The following CCDC43 variants were observed in gnomAD, a reference collection of about 807,000 sequenced individuals.
The protein encoded by CCDC43 is coiled-coil domain containing 43.
In CCDC43, 20 loss-of-function variants were observed where a neutral mutation model predicts 33.3. The observed-to-expected ratio is 0.60, with a 90% CI of 0.42 to 0.87. CCDC43 has a LOEUF of 0.87. Among genes scored for constraint, CCDC43 ranks in the 40% least tolerant of loss-of-function variants. The probability of loss-of-function intolerance (pLI) is 0.00; values close to 1 mark genes in which losing one functional copy is unlikely to be tolerated. For synonymous variants in CCDC43, 104 were observed against 106.5 expected (o/e 0.98, Z 0.14); for missense variants, 248 against 269.9 (o/e 0.92, Z 0.57).
intron 4 of CCDC43, 151 bp downstream of exon 4, chr17:44,680,434 A>G: frequency 5.1e-6 from 3 of 592,882 alleles, no homozygotes; most frequent in African/African-American, 3.6e-5. Flanking sequence ...TAAACTGACT[A>G]TCTAGGGCTG....
At chr17:44,685,977 G>A (rs778434596) in intron 1 of CCDC43, among the ~76,000 whole-genome samples, 56 of 151,976 alleles carry the variant, frequency 3.7e-4, no homozygotes, top group Admixed American at 9.2e-4. Context: ...GCAGTGGCGC[G>A]ATCTCGGCTC....
At position 44,678,741 on chromosome 17, in the gene CCDC43, C is replaced by T. The variant is rs1972112248; in HGVS notation, c.*115G>A. 4.7e-6 allele frequency: 5 copies of T among 1,073,294 alleles called. No individual in the cohort carries two copies. The highest frequency in any genetic ancestry group is 1.3e-6 in the Non-Finnish European group (1 of 757,458). 66.5% of individuals were successfully genotyped at this position (1,073,294 alleles called of 1,614,324 possible). The stretch of plus-strand genomic sequence containing the variant: ...TTGATTTTCCTTTTGACCATGTAAA[C>T]AATAGGGGAAATGCCTTGGGAAACT... On this transcript the variant is annotated 3_prime_UTR_variant, in exon 5 of 5. Coordinates refer to ENST00000315286, the MANE Select transcript of CCDC43 (RefSeq NM_144609.3).
chr17:44,689,263 A>G (rs189993399), intron 1 of CCDC43: 199 of 464,054 alleles, frequency 4.3e-4, no homozygotes, highest in African/African-American at 1.6e-4. Context: ...TGACATTTCA[A>G]TGCCTTCGGA....
chr17:44,682,177 G>A, intron 2 of CCDC43, 39 bp from the exon 3 acceptor site: 1 of 1,612,818 alleles, frequency 6.2e-7, no homozygotes, highest in South Asian at 1.1e-5. Context: ...TTGTATGAGA[G>A]AGAACAAGCT....
rs1453662842 is a variant in CCDC43 at position 44,677,966 on chromosome 17, C to T, written c.*890G>A. 6.6e-6 allele frequency: 1 copy of T among 152,616 alleles called. No individual in the cohort carries two copies. The highest frequency in any genetic ancestry group is 1.5e-5 in the Non-Finnish European group (1 of 68,046). The allele number at this position is 152,616 out of a possible 1,614,324, so 9.5% of individuals were successfully genotyped here. On this transcript the variant is annotated 3_prime_UTR_variant, in exon 5 of 5. Transcript: ENST00000315286. The stretch of plus-strand genomic sequence containing the variant: ...TTGACTCTCCCAGTTTTTCCATTCA[C>T]TCATTCATTCAATAAATTTGTTGAG...
At chr17:44,679,942 T>C (rs568091049) in intron 4 of CCDC43, among the ~76,000 whole-genome samples, 34 of 152,118 alleles carry the variant, frequency 2.2e-4, no homozygotes, top group Admixed American at 9.2e-4. Context: ...TCTGACAAAT[T>C]ATAAGGTTTT....
At chr17:44,679,920 G>A (rs1422056591) in intron 4 of CCDC43, among the ~76,000 whole-genome samples, 1 of 152,002 alleles carries the variant, frequency 6.6e-6, no homozygotes, top group Admixed American at 6.6e-5. Flanking sequence ...AAAGTGTTTG[G>A]TGTTTGTATT....
chr17:44,680,475 G>T, intron 4 of CCDC43, 110 bp downstream of exon 4: 2 of 748,082 alleles, frequency 2.7e-6, no homozygotes, highest in Non-Finnish European at 4.9e-6. Context: ...ATGTTAGCAT[G>T]ACATGAGTTC....
chr17:44,684,028 C>T (rs890508198), intron 1 of CCDC43, 69 bp from the exon 2 acceptor site: 3 of 998,812 alleles, frequency 3.0e-6, no homozygotes, highest in Non-Finnish European at 4.8e-6. Context: ...CTCAAAAAAG[C>T]CTATGAAGAA....
chr17:44,682,134 T>G lies in CCDC43; in HGVS notation c.297A>C (p.Glu99Asp), dbSNP rs1454779420. 6.2e-7 allele frequency: 1 copy of G among 1,613,954 alleles called. No homozygotes were observed. Among genetic ancestry groups the G allele is most frequent in the African/African-American group, 1.3e-5 (1 of 75,050 alleles). Reference protein sequence around the residue: ...NVVTKVKKEDEVQAIATLIEK... With the variant: ...NVVTKVKKEDDVQAIATLIEK... ...CAATTAGGGTGGCAATGGCCTGTAC[T>G]TCATCTGGGAGGTGGTGGAAGGAAG... The change falls in exon 3 of 5, where the codon GAA (glutamate) becomes GAC (aspartate). Residue 99 changes from glutamate to aspartate, a missense_variant. Glu to Asp is a conservative substitution (Grantham distance 45). Transcript: ENST00000315286.
Position 44,689,684 on chromosome 17 carries a change from A to G in CCDC43, c.70T>C (p.Ser24Pro). ...EGDGGGGGFG[S>P]WLDGRLEALG... ...GCCTCCAACCGTCCGTCCAGCCAGG[A>G]GCCAAAGCCGCCGCCTCCGCCATCG... The change falls in exon 1 of 5, where the codon TCC becomes CCC. Residue 24 changes from serine (S) to proline (P), a missense_variant. Physicochemically the swap from Ser to Pro is moderately conservative, Grantham distance 74. Transcript: ENST00000315286. 1.2e-6 allele frequency: 2 copies of G among 1,610,380 alleles called. No homozygotes were observed. Among genetic ancestry groups the G allele is most frequent in the Non-Finnish European group, 1.7e-6 (2 of 1,178,600 alleles).
At chr17:44,689,187 C>T (rs183362436) in intron 1 of CCDC43, 2 of 276,412 alleles carry the variant, frequency 7.2e-6, no homozygotes, top group East Asian at 9.4e-5. Flanking sequence ...TTAATACCCC[C>T]AGTGAACACT....
In CCDC43 at chr17:44,689,645, G is replaced by T. The variant is rs944985712; in HGVS notation, c.109C>A (p.Arg37=). The change falls in exon 1 of 5, where the codon CGA becomes AGA. Residue 37 remains arginine (R), a synonymous_variant. Coordinates refer to ENST00000315286, the MANE Select transcript of CCDC43 (RefSeq NM_144609.3). ...AAGATGTAGGCTCCATAAACGGCTC[G>T]GTCCACTCCCAGTGCCTCCAACCGT... is the stretch of plus-strand genomic sequence containing the variant. ...DGRLEALGVD[R]AVYGAYILGI... The T allele has an allele frequency of 1.9e-6, 3 of 1,613,840 alleles. No individual in the cohort carries two copies. In the East Asian group the frequency reaches 6.7e-5, roughly 36 times the overall value.
chr17:44,682,311 A>G (rs933134491), intron 2 of CCDC43, among the ~76,000 whole-genome samples, 173 bp from the exon 3 acceptor site: 8 of 150,178 alleles, frequency 5.3e-5, no homozygotes, highest in African/African-American at 1.2e-4. Context: ...AGGAAAGGCC[A>G]TGCAGGCCAA....
rs576649133 is a variant in CCDC43, at chr17:44,687,134, A to T, written c.204+2416T>A. Reference sequence around the variant, plus strand: ...CAAAACCCTGTCTCTACAAAAAAAAATTTTTTTTTTTTAATTAGCCAGGCA... The same window carrying T: ...CAAAACCCTGTCTCTACAAAAAAAATTTTTTTTTTTTTAATTAGCCAGGCA... On this transcript the variant is annotated intron_variant, in intron 1 of 4. Coordinates refer to ENST00000315286, the MANE Select transcript of CCDC43 (RefSeq NM_144609.3). Among the ~76,000 whole-genome samples, 1,017 of 149,056 alleles carry T rather than the reference A, an allele frequency of 6.8e-3. 11 individuals carry two copies. The highest frequency in any genetic ancestry group is 0.023 in the African/African-American group (953 of 40,794).
At chr17:44,679,074 G>A (rs746596337) in intron 4 of CCDC43, 31 bp from the exon 5 acceptor site, 121 of 1,578,028 alleles carry the variant, frequency 7.7e-5, no homozygotes, top group Non-Finnish European at 1.0e-4. Context: ...TAGGGTACAG[G>A]TCACACAGAT....
At chr17:44,686,869 G>A (rs1315153328) in intron 1 of CCDC43, among the ~76,000 whole-genome samples, 5 of 152,170 alleles carry the variant, frequency 3.3e-5, no homozygotes, top group Non-Finnish European at 7.3e-5. Context: ...ATCAACCAAT[G>A]CAAGTACTAT....
chr17:44,680,492 G>A (rs998195516), intron 4 of CCDC43, 93 bp downstream of exon 4: 1 of 879,108 alleles, frequency 1.1e-6, no homozygotes, highest in African/African-American at 1.6e-5. Context: ...GTTCCTGAAG[G>A]TAAAGGGGAG....
intron 1 of CCDC43, among the ~76,000 whole-genome samples, chr17:44,687,176 C>T (rs1333820347): frequency 2.0e-5 from 3 of 151,790 alleles, no homozygotes; most frequent in African/African-American, 7.3e-5. Flanking sequence ...GGTGTGGTGG[C>T]TCACGCCTAT....
Sources: gnomAD v4.1 joint callset for allele counts (sites outside exome capture counted in the v4.1 genomes callset) on GRCh38, gnomAD v4.1.1 for gene constraint, MANE v1.5 for transcripts, NCBI Gene and HGNC (gene_info 2026-07-23, HGNC 2026-07-21) for gene names.